Variants in CTTN observed in about 807,000 individuals in gnomAD.
The protein encoded by CTTN is cortactin.
CTTN carries 28 observed loss-of-function variants against 84.0 expected under a neutral mutation model. The observed-to-expected ratio is 0.33, with a 90% confidence interval of 0.25 to 0.46. The LOEUF is 0.46. Ranked by LOEUF, CTTN falls within the 20% of genes least tolerant of loss-of-function variation. The pLI, the probability that CTTN is intolerant of heterozygous loss-of-function variation, is 1.00. For synonymous variants in CTTN, 301 were observed against 288.8 expected (o/e 1.04, Z -0.43); for missense variants, 641 against 723.8 (o/e 0.89, Z 1.31).
At chr11:70,411,643 G>T (rs912283240) in intron 5 of CTTN, among the ~76,000 whole-genome samples, 3 of 152,212 alleles carry the variant, frequency 2.0e-5, no homozygotes, top group Admixed American at 6.5e-5. Flanking sequence ...TGTCAGGAGA[G>T]CCTGGTAGGG....
At chr11:70,429,316 C>A in intron 14 of CTTN, 117 bp downstream of exon 14, 2 of 1,151,038 alleles carry the variant, frequency 1.7e-6, no homozygotes, top group Non-Finnish European at 2.5e-6. Context: ...CCTTGGAAGG[C>A]ATGTTTAACT....
At chr11:70,410,026 A>G in intron 5 of CTTN, 66 bp downstream of exon 5, 1 of 1,571,876 alleles carries the variant, frequency 6.4e-7, no homozygotes, top group African/African-American at 1.4e-5. Flanking sequence ...TGGGTGGCAG[A>G]GTCGTCCCTC....
chr11:70,427,731 T>A (rs2058315272), intron 13 of CTTN, among the ~76,000 whole-genome samples: 1 of 152,268 alleles, frequency 6.6e-6, no homozygotes, highest in African/African-American at 2.4e-5. Context: ...GTCTCTGAGT[T>A]GTGCTCGTCT....
chr11:70,428,194 T>A (rs2058319530), intron 13 of CTTN, among the ~76,000 whole-genome samples: 1 of 121,166 alleles, frequency 8.3e-6, no homozygotes, highest in African/African-American at 3.1e-5. Context: ...TGAGACAGAG[T>A]CTCGCTCTGT....
intron 13 of CTTN, among the ~76,000 whole-genome samples, chr11:70,426,846 C>T (rs541005864): frequency 1.6e-4 from 25 of 151,702 alleles, no homozygotes; most frequent in African/African-American, 4.6e-4. Context: ...ATGATCTGCC[C>T]GCCTCGGCCT....
intron 8 of CTTN, among the ~76,000 whole-genome samples, chr11:70,418,983 C>T (rs2058197467): frequency 6.6e-6 from 1 of 151,308 alleles, no homozygotes; most frequent in Non-Finnish European, 1.5e-5. Context: ...CACCATGTTG[C>T]CCAGGATGGT....
chr11:70,422,965 G>T lies in CTTN; in HGVS notation c.927G>T (p.Lys309Asn). 2 of 1,614,110 alleles carry T rather than the reference G, an allele frequency of 1.2e-6. No homozygotes were observed. Among genetic ancestry groups the T allele is most frequent in the African/African-American group, 1.3e-5 (1 of 75,028 alleles). ...ACTACTCCAAAGGATTCGGCGGGAA[G>T]TATGGGGTGCAGAAGGATCGGATGG... ...QQDYSKGFGG[K>N]YGVQKDRMDK... is the part of the protein sequence containing the mutation. Residue 309 changes from lysine (K) to asparagine (N), a missense_variant, in exon 12 of 18, where the codon AAG (lysine) becomes AAT (asparagine). Physicochemically the swap from Lys to Asn is moderately conservative, Grantham distance 94. Around this residue, in one of 3 missense-constraint regions of CTTN, gnomAD observed 289 missense variants for 273.1 expected, o/e 1.06. Coordinates refer to ENST00000301843, the MANE Select transcript of CTTN (RefSeq NM_005231.4).
chr11:70,418,919 G>T (rs1307833649), intron 8 of CTTN, among the ~76,000 whole-genome samples: 1 of 151,340 alleles, frequency 6.6e-6, no homozygotes, highest in East Asian at 1.9e-4. Flanking sequence ...CGGGATTACA[G>T]GCATGCACCA....
intron 12 of CTTN, among the ~76,000 whole-genome samples, chr11:70,424,274 G>C (rs1456369145): frequency 1.3e-5 from 2 of 152,114 alleles, no homozygotes; most frequent in Non-Finnish European, 2.9e-5. Flanking sequence ...GTGGCTTTGA[G>C]GCCGGAACCT....
At chr11:70,402,431 A>G (rs1265411303) in intron 1 of CTTN, among the ~76,000 whole-genome samples, 1 of 152,168 alleles carries the variant, frequency 6.6e-6, no homozygotes, top group Non-Finnish European at 1.5e-5. Context: ...ATTTCAGAAT[A>G]ATTTTATCAC....
chr11:70,400,364 G>A (rs1051946524), intron 1 of CTTN, among the ~76,000 whole-genome samples: 1 of 152,060 alleles, frequency 6.6e-6, no homozygotes, highest in African/African-American at 2.4e-5. Context: ...TACTTGGGGC[G>A]CTGAGGCAGA....
chr11:70,402,177 G>T (rs914581411), intron 1 of CTTN, among the ~76,000 whole-genome samples: 2 of 152,146 alleles, frequency 1.3e-5, no homozygotes, highest in African/African-American at 4.8e-5. Context: ...TTATTGTGTA[G>T]AGGAATTTTT....
intron 15 of CTTN, 130 bp downstream of exon 15, chr11:70,431,410 C>T (rs764297410): frequency 6.3e-5 from 61 of 963,984 alleles, no homozygotes; most frequent in Non-Finnish European, 8.4e-5. Context: ...CTGCATTCCA[C>T]GCCCGGAGAG....
At chr11:70,424,414 G>C (rs1218426859) in intron 12 of CTTN, among the ~76,000 whole-genome samples, 1 of 152,134 alleles carries the variant, frequency 6.6e-6, no homozygotes, top group Non-Finnish European at 1.5e-5. Flanking sequence ...TCATCCAGGA[G>C]GGGGTGGAGC....
At chr11:70,433,864 G>C (rs2058383853) in intron 17 of CTTN, 146 bp downstream of exon 17, 3 of 649,020 alleles carry the variant, frequency 4.6e-6, no homozygotes, top group Non-Finnish European at 5.6e-6. Context: ...AAAAGTTGCA[G>C]GTATAGTGCC....
In CTTN at chr11:70,425,534, A is replaced by T. The variant is rs2058291388; in HGVS notation, c.1027+133A>T. 4.4e-6 allele frequency: 3 copies of T among 678,352 alleles called. No individual in the cohort carries two copies. In the Admixed American group the frequency reaches 7.2e-5, roughly 16 times the overall value. 42.0% of individuals were successfully genotyped at this position (678,352 alleles called of 1,614,324 possible). On this transcript the variant is annotated intron_variant, in intron 13 of 17. Transcript: ENST00000301843. Reference sequence around the variant, plus strand: ...TGGTTGTTGCTGCGTATTTTTGGGAAAGAAAATGATCGTTCTGATGAAGAT... The same window carrying T: ...TGGTTGTTGCTGCGTATTTTTGGGATAGAAAATGATCGTTCTGATGAAGAT...
intron 5 of CTTN, among the ~76,000 whole-genome samples, chr11:70,413,280 C>T (rs943196933): frequency 1.3e-5 from 2 of 152,178 alleles, no homozygotes; most frequent in African/African-American, 4.8e-5. Flanking sequence ...GAAGAGGGGT[C>T]CCGATGTGCC....
intron 4 of CTTN, among the ~76,000 whole-genome samples, chr11:70,409,086 C>A (rs530228152): frequency 2.0e-4 from 30 of 152,256 alleles, no homozygotes; most frequent in African/African-American, 7.2e-4. Context: ...GTCTTTCTTT[C>A]TCCTGCTCAT....
At chr11:70,418,426 A>G (rs1400980466) in intron 8 of CTTN, among the ~76,000 whole-genome samples, 2 of 152,240 alleles carry the variant, frequency 1.3e-5, no homozygotes, top group African/African-American at 4.8e-5. Context: ...GCCAGGGAGC[A>G]CAGGCCGAGC....
Sources: gnomAD v4.1 joint callset for allele counts (sites outside exome capture counted in the v4.1 genomes callset) on GRCh38, gnomAD v4.1.1 for gene constraint, gnomAD v4.1.1 regional missense constraint, MANE v1.5 for transcripts, NCBI Gene and HGNC (gene_info 2026-07-23, HGNC 2026-07-21) for gene names.